The following ITIH2 variants were observed in gnomAD, a reference collection of about 807,000 sequenced individuals.
ITIH2 encodes the protein inter-alpha-trypsin inhibitor heavy chain H2.
ITIH2 carries 103 observed loss-of-function variants against 104.4 expected under a neutral mutation model. The ratio of observed to expected loss-of-function variants is 0.99; its 90% confidence interval spans 0.84 to 1.16. The LOEUF (loss-of-function observed/expected upper bound fraction) is 1.16, where lower values mean the gene tolerates loss of function less well. Ranked by LOEUF, ITIH2 falls within the 50% of genes most tolerant of loss-of-function variation. The probability of loss-of-function intolerance (pLI) is 0.00; values close to 1 mark genes in which losing one functional copy is unlikely to be tolerated. For missense variants in ITIH2, 1,108 were observed against 1,162.4 expected (o/e 0.95, Z 0.68); for synonymous variants, 436 against 435.4 (o/e 1.00, Z -0.02).
chr10:7,719,191 A>C (rs925797043), intron 6 of ITIH2, among the ~76,000 whole-genome samples: 4 of 152,210 alleles, frequency 2.6e-5, no homozygotes, highest in Admixed American at 6.5e-5. Flanking sequence ...TGCTCGTGGG[A>C]TCAATAATGC....
intron 6 of ITIH2, among the ~76,000 whole-genome samples, chr10:7,719,670 A>G (rs1414365601): frequency 1.4e-5 from 2 of 143,820 alleles, no homozygotes; most frequent in East Asian, 4.6e-4. Flanking sequence ...CTGAGGCAGG[A>G]GGATAACTTG....
chr10:7,719,340 C>T (rs1461516389), intron 6 of ITIH2, among the ~76,000 whole-genome samples: 1 of 152,170 alleles, frequency 6.6e-6, no homozygotes, highest in Non-Finnish European at 1.5e-5. Flanking sequence ...ATCCAGGGCA[C>T]GTGACTTGGC....
chr10:7,709,284 G>C (rs1472127747), intron 4 of ITIH2, 93 bp downstream of exon 4: 3 of 1,162,342 alleles, frequency 2.6e-6, no homozygotes, highest in Non-Finnish European at 3.8e-6. Context: ...GTGGTCAACT[G>C]TCCCAGAGGA....
intron 2 of ITIH2, among the ~76,000 whole-genome samples, chr10:7,705,579 G>C (rs1245910756): frequency 1.3e-5 from 2 of 151,682 alleles, no homozygotes; most frequent in South Asian, 2.1e-4. Flanking sequence ...GCATGCACCT[G>C]TAATCCCAGC....
intron 6 of ITIH2, among the ~76,000 whole-genome samples, chr10:7,719,807 C>T (rs1434600496): frequency 7.1e-6 from 1 of 141,388 alleles, no homozygotes; most frequent in Non-Finnish European, 1.5e-5. Flanking sequence ...GAAAAAATAG[C>T]AGCTAAGTAA....
chr10:7,703,546 G>A (rs372204187), intron 1 of ITIH2, 28 bp downstream of exon 1: 1 of 1,412,694 alleles, frequency 7.1e-7, no homozygotes, highest in South Asian at 1.2e-5. Flanking sequence ...ACTCCTTGCT[G>A]TTGGCTTGTT....
At chr10:7,718,694 G>T (rs770795778) in intron 6 of ITIH2, among the ~76,000 whole-genome samples, 1 of 152,114 alleles carries the variant, frequency 6.6e-6, no homozygotes, top group Non-Finnish European at 1.5e-5. Context: ...TCACCCTCGA[G>T]TAGGCCCTGG....
intron 11 of ITIH2, 74 bp from the exon 12 acceptor site, chr10:7,729,878 C>T: frequency 2.0e-6 from 2 of 1,025,146 alleles, no homozygotes; most frequent in Non-Finnish European, 2.8e-6. Context: ...TACTAAACTG[C>T]CCTCCCTGGA....
rs369353636 is a variant in ITIH2, at chr10:7,744,829, T to A, written c.2447T>A (p.Ile816Asn). 6 of 1,614,006 alleles carry A rather than the reference T, an allele frequency of 3.7e-6. No individual in the cohort carries two copies. The African/African-American group carries it at 6.7e-5, about 18-fold the overall frequency. Residue 816 changes from isoleucine to asparagine, a missense_variant, in exon 19 of 21, where the codon ATC becomes AAC. Coordinates refer to ENST00000358415, the MANE Select transcript of ITIH2 (RefSeq NM_002216.3). ...GTGAAGAAAGAAAAAGTGGTAACTATCACCCTGGATAAAGAGATGTCCTTT... is the reference window on the plus strand; with the variant it reads ...GTGAAGAAAGAAAAAGTGGTAACTAACACCCTGGATAAAGAGATGTCCTTT... The part of the protein sequence containing the change: ...ISVKKEKVVT[I>N]TLDKEMSFSV...
At chr10:7,740,754 A>G (rs1414147556) in intron 16 of ITIH2, among the ~76,000 whole-genome samples, 1 of 152,182 alleles carries the variant, frequency 6.6e-6, no homozygotes, top group Non-Finnish European at 1.5e-5. Flanking sequence ...CCTAGGGCTC[A>G]AGCAGCCCAC....
rs144843289 is a variant in ITIH2, at chr10:7,706,166, G to A, written c.159+984G>A. On this transcript the variant is annotated intron_variant, in intron 2 of 20. Transcript: ENST00000358415. ...TAAAATCCAATAAGCAAGACTTCAT[G>A]TCACAATTTATTTAGCCACAAGAGA... 4.6e-3 allele frequency among the ~76,000 whole-genome samples: 693 copies of A among 152,218 alleles called. 7 individuals are homozygous for A. The highest frequency in any genetic ancestry group is 0.011 in the South Asian group (53 of 4,822).
In ITIH2 at chr10:7,740,121, G is replaced by T. The variant is rs910720478; in HGVS notation, c.2095+1363G>T. Reference sequence around the variant, plus strand: ...GAATTGCTTGCACCTGGGAGGCGGAGGTTGTAGTGAGCTGAGATCATGCCA... The same window carrying T: ...GAATTGCTTGCACCTGGGAGGCGGATGTTGTAGTGAGCTGAGATCATGCCA... On this transcript the variant is annotated intron_variant, in intron 16 of 20. Coordinates refer to ENST00000358415, the MANE Select transcript of ITIH2 (RefSeq NM_002216.3). 1.3e-5 allele frequency among the ~76,000 whole-genome samples: 2 copies of T among 152,040 alleles called. 1 individual carries two copies. The highest frequency in any genetic ancestry group is 4.8e-5 in the African/African-American group (2 of 41,408).
At position 7,732,480 on chromosome 10, in the gene ITIH2, A is replaced by G; in HGVS notation, c.1787+3A>G. 6.2e-7 allele frequency: 1 copy of G among 1,611,892 alleles called. No homozygotes were observed. The highest frequency in any genetic ancestry group is 8.5e-7 in the Non-Finnish European group (1 of 1,178,116). On this transcript the variant is annotated splice_donor_region_variant and intron_variant, in intron 14 of 20. Transcript: ENST00000358415. ...ATCAACCAACTGCTAGCTGAACGGT[A>G]AGAAGAGAAGAGTACCCACACCACG...
In ITIH2 at chr10:7,705,095, A is replaced by AC. The variant is rs1445583496; in HGVS notation, c.85-13_85-12insC. 6.4e-7 allele frequency: 1 copy of AC among 1,568,550 alleles called. No individual in the cohort carries two copies. The highest frequency in any genetic ancestry group is 1.4e-5 in the African/African-American group (1 of 72,522). On this transcript the variant is annotated splice_polypyrimidine_tract_variant and intron_variant, in intron 1 of 20. Transcript: ENST00000358415. ...TTAAAAAAAAAAAAGTTAAAATCCT[A>AC]ATTTTTTTTAAGTTTGTAGACTATG...
At chr10:7,716,970 A>G (rs972284647) in intron 5 of ITIH2, among the ~76,000 whole-genome samples, 2 of 146,700 alleles carry the variant, frequency 1.4e-5, no homozygotes, top group Non-Finnish European at 3.0e-5. Flanking sequence ...TTTTTGAGAC[A>G]GAGTTTCATT....
At position 7,749,430 on chromosome 10, in the gene ITIH2, A is replaced by G; in HGVS notation, c.*96A>G. The stretch of plus-strand genomic sequence containing the variant: ...GGTTTGAATAATTAAAATGAACCAG[A>G]TATCAGGGTGGTTAATTAAAATGAA... On this transcript the variant is annotated 3_prime_UTR_variant, in exon 21 of 21. Transcript: ENST00000358415. The G allele has an allele frequency of 1.9e-6, 2 of 1,075,580 alleles. No individual in the cohort carries two copies. Among genetic ancestry groups the G allele is most frequent in the Admixed American group, 2.3e-5 (1 of 43,680 alleles). 66.6% of individuals were successfully genotyped at this position (1,075,580 alleles called of 1,614,324 possible). A position where few individuals can be genotyped will look rare whatever the true frequency, so the allele number is the denominator to read the frequency against.
Position 7,738,711 on chromosome 10 carries a change from A to G in ITIH2, c.2048A>G (p.Gln683Arg), listed in dbSNP as rs1396897451. 6.2e-7 allele frequency: 1 copy of G among 1,613,602 alleles called. No homozygotes were observed. The highest frequency in any genetic ancestry group is 8.5e-7 in the Non-Finnish European group (1 of 1,179,822). The change falls in exon 16 of 21, where the codon CAA (glutamine) becomes CGA (arginine). Residue 683 changes from glutamine (Q) to arginine (R), a missense_variant. Physicochemically the swap from Gln to Arg is conservative, Grantham distance 43. Transcript: ENST00000358415. Reference protein sequence around the residue: ...SPTPVISMLAQGSQVLESTPP... With the variant: ...SPTPVISMLARGSQVLESTPP... ...ACGCCCGTGATCTCCATGCTGGCAC[A>G]AGGATCTCAGGTGCTAGAGTCCACG...
intron 4 of ITIH2, among the ~76,000 whole-genome samples, chr10:7,712,381 T>C (rs529755230): frequency 3.3e-5 from 5 of 152,124 alleles, no homozygotes; most frequent in Admixed American, 6.5e-5. Context: ...AATGTCATCG[T>C]CCTAGGAAGT....
At chr10:7,723,940 C>A (rs1834929536) in intron 9 of ITIH2, among the ~76,000 whole-genome samples, 1 of 152,130 alleles carries the variant, frequency 6.6e-6, no homozygotes, top group African/African-American at 2.4e-5. Flanking sequence ...CAGTCACATT[C>A]TTTTTGCTCT....
Sources: allele counts gnomAD v4.1 joint callset (sites outside exome capture counted in the v4.1 genomes callset), GRCh38; gene constraint gnomAD v4.1.1; transcripts MANE v1.5; gene names NCBI Gene and HGNC (gene_info 2026-07-23, HGNC 2026-07-21).